SLC25A25: variants seen among roughly 807,000 people sequenced by gnomAD.
SLC25A25 encodes solute carrier family 25 member 25, also known as mitochondrial adenyl nucleotide antiporter SLC25A25.
Under a neutral mutation model 57.7 loss-of-function variants are expected in SLC25A25, and 32 were observed. The observed-to-expected ratio is 0.55, with a 90% confidence interval of 0.42 to 0.74. The LOEUF is 0.74. SLC25A25 is among the 30% of genes least tolerant of loss of function. The pLI, the probability that SLC25A25 is intolerant of heterozygous loss-of-function variation, is 0.00. For missense variants in SLC25A25, 556 were observed against 701.3 expected, an observed-to-expected ratio of 0.79 and a Z score of 2.34; for synonymous variants, 306 against 291.2, an observed-to-expected ratio of 1.05 and a Z score of -0.52.
At chr9:128,082,765 C>T (rs1833181887) in intron 1 of SLC25A25, among the ~76,000 whole-genome samples, 1 of 152,152 alleles carries the variant, frequency 6.6e-6, no homozygotes, top group Non-Finnish European at 1.5e-5. Context: ...CCTGCCTCAA[C>T]CTCCCAAGTA....
rs1025910174 is a variant in SLC25A25, at chr9:128,102,725, G to A, written c.624+244G>A. ...GCTTCCTCTTCCAGGAACACCCTCC[G>A]TCCCCACATGCTCCCTGCTCCCTGC... On this transcript the variant is annotated intron_variant, in intron 5 of 10. Coordinates refer to ENST00000373069, the MANE Select transcript of SLC25A25 (RefSeq NM_001330988.2). This position sits in a 1 kb window ranked among gnomAD's most constrained non-coding sequence, Gnocchi z 4.1. Among the ~76,000 whole-genome samples the A allele has an allele frequency of 2.0e-5, 3 of 152,136 alleles. No homozygotes were observed. The highest frequency in any genetic ancestry group is 6.5e-5 in the Admixed American group (1 of 15,286).
intron 1 of SLC25A25, among the ~76,000 whole-genome samples, chr9:128,088,054 G>T (rs79380314): frequency 0.021 from 3,254 of 152,244 alleles, 106 homozygotes; most frequent in African/African-American, 0.074. Context: ...CTGCTTCTTT[G>T]TAGTTCCTAT....
chr9:128,105,698 G>T, intron 6 of SLC25A25, 31 bp from the exon 7 acceptor site: 2 of 1,611,586 alleles, frequency 1.2e-6, no homozygotes, highest in Non-Finnish European at 1.7e-6. Flanking sequence ...GGCCCCCCGG[G>T]TCCGTCTGAC....
At chr9:128,098,967 A>G (rs1301667412) in intron 1 of SLC25A25, 2 of 985,420 alleles carry the variant, frequency 2.0e-6, no homozygotes, top group Non-Finnish European at 1.2e-6. Context: ...GGACTTTCAG[A>G]AAGGAAATTC....
At chr9:128,087,791 A>T (rs1374556286) in intron 1 of SLC25A25, among the ~76,000 whole-genome samples, 1 of 152,150 alleles carries the variant, frequency 6.6e-6, no homozygotes, top group Non-Finnish European at 1.5e-5. Flanking sequence ...AAGTTTATTA[A>T]TATTTTCTTC....
chr9:128,101,489 T>A lies in SLC25A25; in HGVS notation c.476+93T>A. The A allele has an allele frequency of 7.0e-7, 1 of 1,425,234 alleles. No individual in the cohort carries two copies. The allele number at this position is 1,425,234 out of a possible 1,614,324, so 88.3% of individuals were successfully genotyped here. The stretch of plus-strand genomic sequence containing the variant: ...CCGATGCCATTCCCTGGGCTGACCC[T>A]GAACTTGGCCTTCTCGTGGTTTGAA... On this transcript the variant is annotated intron_variant, in intron 3 of 10. Coordinates refer to ENST00000373069, the MANE Select transcript of SLC25A25 (RefSeq NM_001330988.2). This position sits in a 1 kb window ranked among gnomAD's most constrained non-coding sequence, Gnocchi z 4.9.
In SLC25A25 at chr9:128,101,187, G is replaced by A. The variant is rs201454954; in HGVS notation, c.353G>A (p.Arg118Lys). ...HYLQDHEKKL[R>K]LVFKSLDKKN... ...CTCCAAGATCATGAGAAGAAGCTGA[G>A]GCTGGTGTTTAAGAGTTTGGACAAA... Residue 118 changes from arginine to lysine, a missense_variant, in exon 2 of 11, where the codon AGG becomes AAG. By Grantham distance (26) the Arg-to-Lys change is conservative (BLOSUM62 2). This residue lies in a region of SLC25A25 where 248 missense variants were observed against 273.5 expected (regional missense o/e 0.91). Transcript: ENST00000373069. The surrounding 1 kb of genome is among the most constrained non-coding windows in gnomAD (Gnocchi z 4.9). 58 of 1,614,138 alleles carry A rather than the reference G, an allele frequency of 3.6e-5. No individual in the cohort carries two copies. The East Asian group carries it at 1.2e-3, about 34-fold the overall frequency.
At chr9:128,085,529 C>T (rs775496765) in intron 1 of SLC25A25, among the ~76,000 whole-genome samples, 6 of 152,134 alleles carry the variant, frequency 3.9e-5, no homozygotes, top group Non-Finnish European at 7.4e-5. Flanking sequence ...ACATTTCCAT[C>T]GATTCCTGTC....
Position 128,082,289 on chromosome 9 carries a change from T to C in SLC25A25, c.261+13709T>C, listed in dbSNP as rs117497386. Among the ~76,000 whole-genome samples, 655 of 152,350 alleles carry C rather than the reference T, an allele frequency of 4.3e-3. 4 individuals are homozygous for C. Among genetic ancestry groups the C allele is most frequent in the Admixed American group, 0.013 (198 of 15,302 alleles). On this transcript the variant is annotated intron_variant, in intron 1 of 10. Coordinates refer to ENST00000373069, the MANE Select transcript of SLC25A25 (RefSeq NM_001330988.2). Reference sequence around the variant, plus strand: ...GATTTCCTTTTTTCATTATTGCAGTTCTGTCATCTGCCATACCTTAGTTTC... The same window carrying C: ...GATTTCCTTTTTTCATTATTGCAGTCCTGTCATCTGCCATACCTTAGTTTC...
At position 128,103,834 on chromosome 9, in the gene SLC25A25, A is replaced by C; in HGVS notation, c.778A>C (p.Met260Leu). 6.3e-7 allele frequency: 1 copy of C among 1,591,764 alleles called. No individual in the cohort carries two copies. Among genetic ancestry groups the C allele is most frequent in the Non-Finnish European group, 8.6e-7 (1 of 1,169,042 alleles). The change falls in exon 6 of 11, where the codon ATG becomes CTG. Residue 260 changes from methionine to leucine, a missense_variant. Around this residue, in one of 3 missense-constraint regions of SLC25A25, gnomAD observed 294 missense variants for 389.6 expected, o/e 0.75. Coordinates refer to ENST00000373069, the MANE Select transcript of SLC25A25 (RefSeq NM_001330988.2). This position sits in a 1 kb window ranked among gnomAD's most constrained non-coding sequence, Gnocchi z 6.7. ...CCCCCTGGACAGGCTCAAGGTGCTC[A>C]TGCAGGTATGTAGGGAAAAGGCCCC... ...TAPLDRLKVL[M>L]QVHASRSNNM...
intron 1 of SLC25A25, among the ~76,000 whole-genome samples, chr9:128,074,346 A>G (rs1832965803): frequency 1.5e-5 from 1 of 68,792 alleles, no homozygotes. Context: ...CCAGCTGAGA[A>G]GATTTTTTTT....
At chr9:128,068,682 G>C in intron 1 of SLC25A25, 102 bp downstream of exon 1, 3 of 1,261,676 alleles carry the variant, frequency 2.4e-6, no homozygotes, top group Non-Finnish European at 3.1e-6. Context: ...AACCCCCACT[G>C]TCCAGAGGAA....
chr9:128,107,055 C>T lies in SLC25A25; in HGVS notation c.1239C>T (p.His413=). 1 of 1,614,154 alleles carries T rather than the reference C, an allele frequency of 6.2e-7. No individual in the cohort carries two copies. The highest frequency in any genetic ancestry group is 8.5e-7 in the Non-Finnish European group (1 of 1,180,018). ...CGCTCAAGAATGCCTGGCTGCAGCA[C>T]TATGCAGTGAACAGCGCGGACCCCG... The part of the protein sequence containing the change: ...YETLKNAWLQ[H]YAVNSADPGV... Residue 413 remains histidine, a synonymous_variant, in exon 10 of 11, where the codon CAC becomes CAT. Transcript: ENST00000373069.
At chr9:128,071,857 G>A (rs764041163) in intron 1 of SLC25A25, among the ~76,000 whole-genome samples, 31 of 151,100 alleles carry the variant, frequency 2.1e-4, no homozygotes, top group South Asian at 2.1e-4. Context: ...GATTACAGGC[G>A]CCCGCCACCA....
chr9:128,085,795 T>C (rs1833261731), intron 1 of SLC25A25, among the ~76,000 whole-genome samples: 1 of 152,208 alleles, frequency 6.6e-6, no homozygotes, highest in Non-Finnish European at 1.5e-5. Context: ...ATTTCCTTTT[T>C]GATTTCTCCT....
rs1159375374 is a variant in SLC25A25 at position 128,105,383 on chromosome 9, C to T, written c.784-346C>T. Among the ~76,000 whole-genome samples the T allele has an allele frequency of 1.8e-4, 27 of 151,852 alleles. 1 individual carries two copies. Among genetic ancestry groups the T allele is most frequent in the Admixed American group, 1.7e-3 (26 of 15,248 alleles). On this transcript the variant is annotated intron_variant, in intron 6 of 10. Coordinates refer to ENST00000373069, the MANE Select transcript of SLC25A25 (RefSeq NM_001330988.2). ...ACGGGGTTTCACCATGTTGGCTGGGCTGGTCTCGAACTCCTGAACTCAAGT... is the reference window on the plus strand; with the variant it reads ...ACGGGGTTTCACCATGTTGGCTGGGTTGGTCTCGAACTCCTGAACTCAAGT...
chr9:128,100,415 G>A (rs529850510), intron 1 of SLC25A25, among the ~76,000 whole-genome samples: 2 of 152,254 alleles, frequency 1.3e-5, no homozygotes, highest in African/African-American at 4.8e-5. Flanking sequence ...ACACTAAAGT[G>A]CTTTTCAGTG....
At chr9:128,089,369 A>G (rs1476039048) in intron 1 of SLC25A25, among the ~76,000 whole-genome samples, 2 of 152,192 alleles carry the variant, frequency 1.3e-5, no homozygotes, top group African/African-American at 4.8e-5. Context: ...AACCAATTCT[A>G]TGAAGTACTA....
In SLC25A25 at chr9:128,107,459, C is replaced by A; in HGVS notation, c.*15C>A. The A allele has an allele frequency of 6.6e-7, 1 of 1,505,146 alleles. No individual in the cohort carries two copies. Among genetic ancestry groups the A allele is most frequent in the Non-Finnish European group, 8.9e-7 (1 of 1,126,542 alleles). 93.2% of individuals were successfully genotyped at this position (1,505,146 alleles called of 1,614,324 possible). On this transcript the variant is annotated 3_prime_UTR_variant, in exon 11 of 11. Transcript: ENST00000373069. ...AGTCGCGGTGACGGGGGGAGGGCCG[C>A]CCGGCAGTGGACTCGCTGATCCTGG... is the stretch of plus-strand genomic sequence containing the variant.
Sources: gnomAD v4.1 joint callset for allele counts (sites outside exome capture counted in the v4.1 genomes callset) on GRCh38, gnomAD v4.1.1 for gene constraint, gnomAD v4.1.1 regional missense constraint, Gnocchi (gnomAD v3.1) non-coding constraint, MANE v1.5 for transcripts, NCBI Gene and HGNC (gene_info 2026-07-23, HGNC 2026-07-21) for gene names.